HS3ST4: variants seen among roughly 807,000 people sequenced by gnomAD.
HS3ST4 encodes heparan sulfate glucosamine 3-O-sulfotransferase 4.
In HS3ST4, 17 loss-of-function variants were observed where a neutral mutation model predicts 29.2. The ratio of observed to expected loss-of-function variants is 0.58; its 90% confidence interval spans 0.40 to 0.87. The LOEUF (loss-of-function observed/expected upper bound fraction) is 0.87, where lower values mean the gene tolerates loss of function less well. Ranked by LOEUF, HS3ST4 falls within the 40% of genes least tolerant of loss-of-function variation. The pLI is 0.00. For synonymous variants in HS3ST4, 314 were observed against 285.7 expected (o/e 1.10, Z -1.00); for missense variants, 627 against 634.5 (o/e 0.99, Z 0.13).
rs1408598789 is a variant in HS3ST4 at position 26,135,893 on chromosome 16, A to G, written c.1016A>G (p.His339Arg). Reference protein sequence around the residue: ...SAIRIGIYALHLENWLQYFPL... With the variant: ...SAIRIGIYALRLENWLQYFPL... ...ATTCGAATAGGGATCTATGCGCTGC[A>G]TCTGGAAAACTGGCTCCAGTATTTC... The change falls in exon 2 of 2, where the codon CAT becomes CGT. Residue 339 changes from histidine to arginine, a missense_variant. This residue lies in a region of HS3ST4 where 225 missense variants were observed against 293.7 expected (regional missense o/e 0.77). Transcript: ENST00000331351. 2.5e-6 allele frequency: 4 copies of G among 1,613,986 alleles called. No individual in the cohort carries two copies. Among genetic ancestry groups the G allele is most frequent in the Non-Finnish European group, 3.4e-6 (4 of 1,179,874 alleles).
intron 1 of HS3ST4, among the ~76,000 whole-genome samples, chr16:25,911,495 GGT>G: frequency 7.6e-6 from 1 of 131,266 alleles, no homozygotes; most frequent in Non-Finnish European, 1.6e-5. Flanking sequence ...TCCGTTGTGT[GGT>G]TTTTTTTTTT....
At chr16:26,114,627 G>A (rs1266302380) in intron 1 of HS3ST4, among the ~76,000 whole-genome samples, 2 of 152,220 alleles carry the variant, frequency 1.3e-5, no homozygotes, top group African/African-American at 4.8e-5. Flanking sequence ...GAGCAGAGCA[G>A]GGAGGTGTCC....
chr16:26,006,528 A>G (rs1463602015), intron 1 of HS3ST4, among the ~76,000 whole-genome samples: 1 of 152,054 alleles, frequency 6.6e-6, no homozygotes, highest in Non-Finnish European at 1.5e-5. Flanking sequence ...GAGAGGCCAG[A>G]GTTTTGCTAT....
intron 1 of HS3ST4, among the ~76,000 whole-genome samples, chr16:25,747,685 C>T (rs1966693478): frequency 6.6e-6 from 1 of 152,184 alleles, no homozygotes; most frequent in African/African-American, 2.4e-5. Flanking sequence ...TGCTCTCAGT[C>T]CCTGCGCTTG....
intron 1 of HS3ST4, among the ~76,000 whole-genome samples, chr16:25,873,558 A>G (rs564821019): frequency 6.7e-6 from 1 of 149,366 alleles, no homozygotes; most frequent in African/African-American, 2.5e-5. Context: ...CTATCTGTCT[A>G]TACATCCATC....
At chr16:25,723,070 A>G (rs534577360) in intron 1 of HS3ST4, among the ~76,000 whole-genome samples, 6 of 152,290 alleles carry the variant, frequency 3.9e-5, no homozygotes, top group African/African-American at 1.2e-4. Context: ...TGTGAGACTT[A>G]TTCACTACCG....
intron 1 of HS3ST4, among the ~76,000 whole-genome samples, chr16:26,119,940 A>G (rs1899249792): frequency 1.3e-5 from 2 of 152,298 alleles, no homozygotes; most frequent in Non-Finnish European, 2.9e-5. Context: ...CTGATGTGAA[A>G]GAGAACGTTT....
intron 1 of HS3ST4, among the ~76,000 whole-genome samples, chr16:25,975,503 T>C (rs1375665216): frequency 6.6e-6 from 1 of 152,146 alleles, no homozygotes; most frequent in Non-Finnish European, 1.5e-5. Flanking sequence ...CACTTTCATG[T>C]CATTCTGTAA....
rs376019784 is a variant in HS3ST4 at position 26,041,554 on chromosome 16, C to G, written c.735-94058C>G. 3.9e-5 allele frequency among the ~76,000 whole-genome samples: 6 copies of G among 152,014 alleles called. No homozygotes were observed. The East Asian group carries it at 9.7e-4, about 24-fold the overall frequency. ...TTCTGATGCACTGAAATAATGGGAG[C>G]CATTGGTCTACATCAGAAGTACGGA... is the stretch of plus-strand genomic sequence containing the variant. On this transcript the variant is annotated intron_variant, in intron 1 of 1. Coordinates refer to ENST00000331351, the MANE Select transcript of HS3ST4 (RefSeq NM_006040.3).
chr16:26,007,683 T>C (rs1461062601), intron 1 of HS3ST4, among the ~76,000 whole-genome samples: 3 of 152,174 alleles, frequency 2.0e-5, no homozygotes, highest in Admixed American at 6.5e-5. Context: ...CTTTCAGGCA[T>C]TGAAGACAGA....
At chr16:26,127,969 ATCT>A (rs1468972313) in intron 1 of HS3ST4, among the ~76,000 whole-genome samples, 3 of 152,054 alleles carry the variant, frequency 2.0e-5, no homozygotes, top group Admixed American at 6.6e-5. Flanking sequence ...TTATTTGTGC[ATCT>A]TCCAAGCCGA....
chr16:25,946,442 T>C (rs1246054598), intron 1 of HS3ST4, among the ~76,000 whole-genome samples: 1 of 152,238 alleles, frequency 6.6e-6, no homozygotes, highest in African/African-American at 2.4e-5. Context: ...AGTTATGTTC[T>C]TGTGTGCTTT....
chr16:26,112,299 A>G (rs1899142688), intron 1 of HS3ST4, among the ~76,000 whole-genome samples: 1 of 150,720 alleles, frequency 6.6e-6, no homozygotes, highest in African/African-American at 2.4e-5. Flanking sequence ...TGTAATATCT[A>G]AGATTAACTT....
intron 1 of HS3ST4, among the ~76,000 whole-genome samples, chr16:25,777,441 G>C (rs892072102): frequency 2.0e-5 from 3 of 151,184 alleles, no homozygotes; most frequent in Non-Finnish European, 4.4e-5. Flanking sequence ...GTGTGTGTGT[G>C]TGTGTGCACG....
chr16:25,692,648 G>T lies in HS3ST4; in HGVS notation c.231G>T (p.Pro77=). The change falls in exon 1 of 2, where the codon CCG becomes CCT. Residue 77 remains proline (P), a synonymous_variant. Coordinates refer to ENST00000331351, the MANE Select transcript of HS3ST4 (RefSeq NM_006040.3). ...CGGGCGCCGCCGCCGAGCCCCCGCCGAGCCCGCCGCCACCCTCTCTGCTGC... is the reference window on the plus strand; with the variant it reads ...CGGGCGCCGCCGCCGAGCCCCCGCCTAGCCCGCCGCCACCCTCTCTGCTGC... ...ESPGAAAEPP[P]SPPPPSLLPT... is the part of the protein sequence containing the mutation. 7.4e-7 allele frequency: 1 copy of T among 1,360,468 alleles called. No homozygotes were observed. Among genetic ancestry groups the T allele is most frequent in the Non-Finnish European group, 9.5e-7 (1 of 1,047,574 alleles). 84.3% of individuals were successfully genotyped at this position (1,360,468 alleles called of 1,614,324 possible).
intron 1 of HS3ST4, among the ~76,000 whole-genome samples, chr16:26,027,029 T>C (rs1969482945): frequency 6.6e-6 from 1 of 152,242 alleles, no homozygotes; most frequent in Non-Finnish European, 1.5e-5. Context: ...TTTCTGTTTC[T>C]TCAGAGTACC....
intron 1 of HS3ST4, among the ~76,000 whole-genome samples, chr16:25,932,888 A>T (rs1968479849): frequency 6.6e-6 from 1 of 152,162 alleles, no homozygotes; most frequent in Non-Finnish European, 1.5e-5. Flanking sequence ...GGTGAAATTT[A>T]GGTGCTGAGT....
chr16:25,692,543 C>G lies in HS3ST4; in HGVS notation c.126C>G (p.Ser42=). Residue 42 remains serine (S), a synonymous_variant, in exon 1 of 2, where the codon TCC becomes TCG. Coordinates refer to ENST00000331351, the MANE Select transcript of HS3ST4 (RefSeq NM_006040.3). The stretch of plus-strand genomic sequence containing the variant: ...AGCTGCTTTTTATGTGCACCTTGTC[C>G]CTGTCTGTCACCTACCTGTGCTACA... ...ARKLLFMCTL[S]LSVTYLCYSL... 3 of 1,453,128 alleles carry G rather than the reference C, an allele frequency of 2.1e-6. No individual in the cohort carries two copies. Among genetic ancestry groups the G allele is most frequent in the South Asian group, 2.6e-5 (2 of 77,630 alleles). The allele number at this position is 1,453,128 out of a possible 1,614,324, so 90.0% of individuals were successfully genotyped here.
At chr16:25,786,411 A>G (rs1054952794) in intron 1 of HS3ST4, among the ~76,000 whole-genome samples, 3 of 152,208 alleles carry the variant, frequency 2.0e-5, no homozygotes, top group African/African-American at 7.2e-5. Context: ...TAAGCAAAAA[A>G]TGGGCATGCA....
Sources: allele counts gnomAD v4.1 joint callset (sites outside exome capture counted in the v4.1 genomes callset), GRCh38; gene constraint gnomAD v4.1.1; regional missense constraint gnomAD v4.1.1; transcripts MANE v1.5; gene names NCBI Gene and HGNC (gene_info 2026-07-23, HGNC 2026-07-21).